Variants in USH2A observed in about 807,000 individuals in gnomAD.
USH2A encodes usherin.
In USH2A, 443 loss-of-function variants were observed where a neutral mutation model predicts 538.9. The observed-to-expected ratio is 0.82, with a 90% CI of 0.76 to 0.89. The LOEUF (loss-of-function observed/expected upper bound fraction) is 0.89, where lower values mean the gene tolerates loss of function less well. USH2A is among the 40% of genes least tolerant of loss of function. The pLI is 0.00. For synonymous variants in USH2A, 2,413 were observed against 2,273.5 expected (o/e 1.06, Z -1.75); for missense variants, 6,633 against 6,324.8 (o/e 1.05, Z -1.65).
At chr1:215,994,102 A>G (rs148325935) in intron 34 of USH2A, among the ~76,000 whole-genome samples, 12 of 152,310 alleles carry the variant, frequency 7.9e-5, no homozygotes, top group African/African-American at 2.4e-4. Context: ...TCTTCAAGTT[A>G]CAATTTCAAT....
At chr1:216,372,356 T>C (rs912926415) in intron 3 of USH2A, among the ~76,000 whole-genome samples, 2 of 152,138 alleles carry the variant, frequency 1.3e-5, no homozygotes, top group Non-Finnish European at 2.9e-5. Context: ...CTCACTTTCA[T>C]TTTTTCCTCT....
intron 47 of USH2A, among the ~76,000 whole-genome samples, chr1:215,824,220 T>G (rs1663094358): frequency 6.6e-6 from 1 of 152,204 alleles, no homozygotes; most frequent in African/African-American, 2.4e-5. Flanking sequence ...ATATTACTCT[T>G]CTCTCCATTT....
At chr1:215,684,290 C>A (rs1476315497) in intron 61 of USH2A, among the ~76,000 whole-genome samples, 2 of 152,198 alleles carry the variant, frequency 1.3e-5, no homozygotes, top group Non-Finnish European at 2.9e-5. Flanking sequence ...AGCAGTCTGA[C>A]AATTTTACAC....
intron 67 of USH2A, among the ~76,000 whole-genome samples, chr1:215,646,414 C>G (rs967271803): frequency 6.9e-6 from 1 of 143,896 alleles, no homozygotes; most frequent in African/African-American, 2.5e-5. Flanking sequence ...AAAGCATATA[C>G]CTTATAAAAT....
intron 3 of USH2A, among the ~76,000 whole-genome samples, chr1:216,379,487 GT>G (rs1384780100): frequency 1.3e-5 from 2 of 151,088 alleles, no homozygotes; most frequent in African/African-American, 4.9e-5. Flanking sequence ...TTAACAAATT[GT>G]AAGAAGTATA....
At chr1:215,918,085 T>G (rs1666006808) in intron 38 of USH2A, among the ~76,000 whole-genome samples, 1 of 152,170 alleles carries the variant, frequency 6.6e-6, no homozygotes, top group South Asian at 2.1e-4. Flanking sequence ...TACCAAGAAA[T>G]TAAGTGATCT....
chr1:216,132,548 A>G (rs973536702), intron 21 of USH2A, among the ~76,000 whole-genome samples: 1 of 151,766 alleles, frequency 6.6e-6, no homozygotes, highest in Non-Finnish European at 1.5e-5. Context: ...AGTGACCCCC[A>G]CTCTTCTAAC....
chr1:216,336,894 G>T (rs2037984909), intron 4 of USH2A, among the ~76,000 whole-genome samples: 2 of 151,442 alleles, frequency 1.3e-5, no homozygotes, highest in Admixed American at 1.3e-4. Flanking sequence ...CATACAAGAA[G>T]AAATATAATC....
rs111033439 is a variant in USH2A at position 215,782,738 on chromosome 1, C to T, written c.10585G>A (p.Gly3529Ser). The T allele has an allele frequency of 8.1e-6, 13 of 1,613,056 alleles. No homozygotes were observed. The highest frequency in any genetic ancestry group is 9.3e-6 in the Non-Finnish European group (11 of 1,179,584). Residue 3529 changes from glycine to serine, a missense_variant and splice_region_variant, in exon 53 of 72, where the codon GGT (glycine) becomes AGT (serine). Transcript: ENST00000307340. ...TTGTATTTTAAAGGTATCTCAATAC[C>T]ATTTGATTGTATAGGTTTTCTCCAG... ...LNWRKPIQSN[G>S]PIIYYILLRN...
intron 37 of USH2A, among the ~76,000 whole-genome samples, chr1:215,942,091 T>C (rs539725921): frequency 6.6e-6 from 1 of 152,240 alleles, no homozygotes; most frequent in South Asian, 2.1e-4. Context: ...AAGGTTCCAA[T>C]GAGGAAGGAT....
At chr1:216,189,459 C>T (rs185335977) in intron 20 of USH2A, among the ~76,000 whole-genome samples, 1 of 151,894 alleles carries the variant, frequency 6.6e-6, no homozygotes, top group African/African-American at 2.4e-5. Flanking sequence ...TATCTAGAAT[C>T]AGAAAAACAC....
intron 34 of USH2A, among the ~76,000 whole-genome samples, chr1:215,995,913 CT>C (rs930490336): frequency 1.3e-5 from 2 of 152,028 alleles, no homozygotes; most frequent in Admixed American, 6.6e-5. Context: ...CTAGCATTCT[CT>C]TTTTTTGTTG....
At chr1:216,279,274 A>T (rs1571652997) in intron 11 of USH2A, among the ~76,000 whole-genome samples, 2 of 152,038 alleles carry the variant, frequency 1.3e-5, no homozygotes, top group Admixed American at 1.3e-4. Flanking sequence ...TAGGTGATAT[A>T]CTCTAATTTT....
At chr1:216,078,514 T>C (rs2031831119) in intron 26 of USH2A, 152 bp from the exon 27 acceptor site, 2 of 730,072 alleles carry the variant, frequency 2.7e-6, no homozygotes, top group African/African-American at 1.8e-5. Flanking sequence ...AAGTTTCTGC[T>C]TAGGAACATA....
At chr1:215,692,795 G>C (rs912223078) in intron 61 of USH2A, among the ~76,000 whole-genome samples, 1 of 152,110 alleles carries the variant, frequency 6.6e-6, no homozygotes, top group African/African-American at 2.4e-5. Flanking sequence ...GACCTTCTAA[G>C]TGAAGGGTGC....
rs1435555069 is a variant in USH2A, at chr1:215,624,661, A to G, written c.*1120T>C. 1 of 152,124 alleles carries G rather than the reference A, an allele frequency of 6.6e-6. No individual in the cohort carries two copies. The allele number at this position is 152,124 out of a possible 1,614,324, so 9.4% of individuals were successfully genotyped here. ...AATCCAACTAGAGCAGGTGACAGAC[A>G]TTTTTGAACCGTAATTGGTACTGTT... is the stretch of plus-strand genomic sequence containing the variant. On this transcript the variant is annotated 3_prime_UTR_variant, in exon 72 of 72. Transcript: ENST00000307340.
At chr1:216,399,136 G>A (rs964562401) in intron 3 of USH2A, among the ~76,000 whole-genome samples, 3 of 152,066 alleles carry the variant, frequency 2.0e-5, no homozygotes, top group Non-Finnish European at 2.9e-5. Context: ...CATTCCCCCC[G>A]GCTCTGGCAG....
intron 9 of USH2A, among the ~76,000 whole-genome samples, chr1:216,305,275 C>G (rs2037293612): frequency 6.6e-6 from 1 of 152,056 alleles, no homozygotes. Context: ...TAATGTCCCT[C>G]TTTGTTAACT....
chr1:215,974,281 T>C (rs917019826), intron 35 of USH2A, among the ~76,000 whole-genome samples: 1 of 152,202 alleles, frequency 6.6e-6, no homozygotes, highest in African/African-American at 2.4e-5. Context: ...GTGGACATTT[T>C]AAACTGAAGC....
Sources: gnomAD v4.1 joint callset for allele counts (sites outside exome capture counted in the v4.1 genomes callset) on GRCh38, gnomAD v4.1.1 for gene constraint, MANE v1.5 for transcripts, NCBI Gene and HGNC (gene_info 2026-07-23, HGNC 2026-07-21) for gene names.